The following RGS9 variants were observed in gnomAD, a reference collection of about 807,000 sequenced individuals.
RGS9 encodes the protein regulator of G-protein signalling 9.
RGS9 carries 78 observed loss-of-function variants against 102.0 expected under a neutral mutation model. That is an observed-to-expected ratio of 0.76 (90% CI 0.64 to 0.92). The LOEUF is 0.92. Among genes scored for constraint, RGS9 ranks in the 40% least tolerant of loss-of-function variants. The probability of loss-of-function intolerance (pLI) is 0.00; values close to 1 mark genes in which losing one functional copy is unlikely to be tolerated. For synonymous variants in RGS9, 353 were observed against 318.6 expected, an observed-to-expected ratio of 1.11 and a Z score of -1.15; for missense variants, 833 against 866.1, an observed-to-expected ratio of 0.96 and a Z score of 0.48.
chr17:65,201,986 C>T lies in RGS9; in HGVS notation c.977-7C>T, dbSNP rs756695488. 1.9e-6 allele frequency: 3 copies of T among 1,606,590 alleles called. No individual in the cohort carries two copies. Among genetic ancestry groups the T allele is most frequent in the African/African-American group, 2.7e-5 (2 of 74,762 alleles). ...GCCCTCATCCACGTGGACTTCTCAC[C>T]ATGCAGGAGAGAATCTGGGATTCTG... On this transcript the variant is annotated splice_polypyrimidine_tract_variant and splice_region_variant and intron_variant, in intron 13 of 18. Transcript: ENST00000262406.
At chr17:65,222,494 A>C (rs773498581) in intron 17 of RGS9, among the ~76,000 whole-genome samples, 80 of 152,224 alleles carry the variant, frequency 5.3e-4, no homozygotes, top group Non-Finnish European at 8.1e-4. Flanking sequence ...GTCACTGACT[A>C]GTCATGAGAG....
intron 17 of RGS9, among the ~76,000 whole-genome samples, chr17:65,215,485 TTTCG>T (rs758512054): frequency 0.046 from 5,758 of 125,048 alleles, 176 homozygotes; most frequent in African/African-American, 0.08. Flanking sequence ...TCTATCTTTC[TTTCG>T]TTCTTTCGTT....
At chr17:65,147,587 C>CT (rs36062784) in intron 1 of RGS9, among the ~76,000 whole-genome samples, 2,778 of 103,576 alleles carry the variant, frequency 0.027, 153 homozygotes, top group East Asian at 0.11. Flanking sequence ...CTTTTAAAAA[C>CT]TTTTTTTTTT....
intron 1 of RGS9, among the ~76,000 whole-genome samples, chr17:65,139,991 G>A (rs537574245): frequency 4.6e-5 from 7 of 152,326 alleles, no homozygotes; most frequent in African/African-American, 1.2e-4. Flanking sequence ...CTCATCACTC[G>A]TTCCATGCAT....
At chr17:65,195,289 A>C (rs1275560741) in intron 12 of RGS9, among the ~76,000 whole-genome samples, 2 of 152,182 alleles carry the variant, frequency 1.3e-5, no homozygotes, top group Non-Finnish European at 2.9e-5. Flanking sequence ...AATGGGGAGC[A>C]TGGTATTGAA....
chr17:65,217,697 GC>G (rs1259146263), intron 17 of RGS9, among the ~76,000 whole-genome samples: 1 of 152,112 alleles, frequency 6.6e-6, no homozygotes, highest in Non-Finnish European at 1.5e-5. Flanking sequence ...GGGGGTGTTT[GC>G]CAAATGAGGG....
At chr17:65,155,905 G>A (rs1465299516) in intron 2 of RGS9, among the ~76,000 whole-genome samples, 3 of 152,110 alleles carry the variant, frequency 2.0e-5, no homozygotes. Context: ...TTTGCACATG[G>A]GGTTATGGAG....
chr17:65,141,097 C>T (rs1476531334), intron 1 of RGS9, among the ~76,000 whole-genome samples: 1 of 152,210 alleles, frequency 6.6e-6, no homozygotes, highest in African/African-American at 2.4e-5. Context: ...CCATCTCAGT[C>T]TCAATGCAGC....
intron 1 of RGS9, among the ~76,000 whole-genome samples, chr17:65,145,881 A>G (rs1484040658): frequency 8.3e-6 from 1 of 120,490 alleles, no homozygotes; most frequent in African/African-American, 5.8e-5. Flanking sequence ...CTGAGGAAAA[A>G]GGATCGGATC....
At chr17:65,177,354 C>A (rs939544147) in intron 8 of RGS9, among the ~76,000 whole-genome samples, 2 of 151,786 alleles carry the variant, frequency 1.3e-5, no homozygotes, top group Non-Finnish European at 2.9e-5. Context: ...TCCACTCACC[C>A]ACCCATCAAC....
rs139146881 is a variant in RGS9, at chr17:65,225,462, G to A, written c.1868G>A (p.Arg623Gln). Residue 623 changes from arginine to glutamine, a missense_variant, in exon 18 of 19, where the codon CGA (arginine) becomes CAA (glutamine). Around this residue, in one of 3 missense-constraint regions of RGS9, gnomAD observed 320 missense variants for 276.8 expected, o/e 1.16. Coordinates refer to ENST00000262406, the MANE Select transcript of RGS9 (RefSeq NM_003835.4). ...GGGGACGTGGGCCAGCAGCTGCCAC[G>A]ATTGAAATCCAAGAGAGTAGCAAAG... ...PLGDVGQQLP[R>Q]LKSKRVANFF... The A allele has an allele frequency of 1.0e-4, 162 of 1,604,350 alleles. No individual in the cohort carries two copies. Among genetic ancestry groups the A allele is most frequent in the Admixed American group, 8.0e-4 (48 of 60,014 alleles).
At position 65,137,505 on chromosome 17, in the gene RGS9, C is replaced by A; in HGVS notation, c.-36C>A. ...GGGGGGCTTCTCCTCTTGTCTCCCA[C>A]TGGTGCTCTGGCTGTGAATCCATCC... On this transcript the variant is annotated 5_prime_UTR_variant, in exon 1 of 19. It adds an upstream start codon to the 5' untranslated region. Coordinates refer to ENST00000262406, the MANE Select transcript of RGS9 (RefSeq NM_003835.4). 1 of 1,606,512 alleles carries A rather than the reference C, an allele frequency of 6.2e-7. No homozygotes were observed. The highest frequency in any genetic ancestry group is 8.5e-7 in the Non-Finnish European group (1 of 1,176,606).
intron 12 of RGS9, among the ~76,000 whole-genome samples, 168 bp downstream of exon 12, chr17:65,193,824 G>A (rs1356819847): frequency 1.3e-5 from 2 of 152,092 alleles, no homozygotes; most frequent in East Asian, 1.9e-4. Flanking sequence ...AACCCTGGAC[G>A]CCCTCCAGCC....
intron 1 of RGS9, among the ~76,000 whole-genome samples, chr17:65,141,019 G>C (rs1910137706): frequency 6.6e-6 from 1 of 152,194 alleles, no homozygotes; most frequent in Non-Finnish European, 1.5e-5. Flanking sequence ...AACTGTCATG[G>C]GGCCATGGAG....
chr17:65,173,677 A>G lies in RGS9; in HGVS notation c.583-4055A>G, dbSNP rs906775893. Among the ~76,000 whole-genome samples the G allele has an allele frequency of 1.3e-5, 2 of 152,242 alleles. No individual in the cohort carries two copies. The highest frequency in any genetic ancestry group is 1.3e-4 in the Admixed American group (2 of 15,284). On this transcript the variant is annotated intron_variant, in intron 8 of 18. Transcript: ENST00000262406. This position sits in a 1 kb window ranked among gnomAD's most constrained non-coding sequence, Gnocchi z 4.8. ...CCTGCTGCCTCCTTATCTGCGGGCC[A>G]CACACCGCAGGATGCATCGGCTGCC...
chr17:65,208,425 C>T (rs1913154339), intron 16 of RGS9, among the ~76,000 whole-genome samples: 1 of 152,108 alleles, frequency 6.6e-6, no homozygotes, highest in South Asian at 2.1e-4. Context: ...AGAGAAAATG[C>T]TCAGTGAAGG....
intron 8 of RGS9, among the ~76,000 whole-genome samples, chr17:65,168,788 C>T (rs1289608546): frequency 1.3e-5 from 2 of 152,244 alleles, no homozygotes; most frequent in East Asian, 3.9e-4. Flanking sequence ...TGTTGAGCTT[C>T]TCCTTGCTTG....
chr17:65,204,795 G>A (rs1204459976), intron 15 of RGS9, among the ~76,000 whole-genome samples: 1 of 152,138 alleles, frequency 6.6e-6, no homozygotes, highest in Non-Finnish European at 1.5e-5. Context: ...GTCGCTGTGC[G>A]AAACACAGAA....
chr17:65,151,047 A>T (rs1032655263), intron 1 of RGS9, among the ~76,000 whole-genome samples: 2 of 151,844 alleles, frequency 1.3e-5, no homozygotes, highest in Non-Finnish European at 2.9e-5. Flanking sequence ...CAGTTTGTTT[A>T]AAAAAAAATC....
Sources: gnomAD v4.1 joint callset for allele counts (sites outside exome capture counted in the v4.1 genomes callset) on GRCh38, gnomAD v4.1.1 for gene constraint, gnomAD v4.1.1 regional missense constraint, Gnocchi (gnomAD v3.1) non-coding constraint, MANE v1.5 for transcripts, NCBI Gene and HGNC (gene_info 2026-07-23, HGNC 2026-07-21) for gene names.